PLCB1: variants seen among roughly 807,000 people sequenced by gnomAD.
The protein encoded by PLCB1 is phospholipase C beta 1.
Under a neutral mutation model 161.8 loss-of-function variants are expected in PLCB1, and 46 were observed. The ratio of observed to expected loss-of-function variants is 0.28; its 90% confidence interval spans 0.22 to 0.36. PLCB1 has a LOEUF of 0.36. Ranked by LOEUF, PLCB1 falls within the 10% of genes least tolerant of loss-of-function variation. The probability of loss-of-function intolerance (pLI) is 1.00; values close to 1 mark genes in which losing one functional copy is unlikely to be tolerated. For missense variants in PLCB1, 1,016 were observed against 1,472.5 expected (o/e 0.69, Z 5.07); for synonymous variants, 517 against 503.7 (o/e 1.03, Z -0.35).
intron 2 of PLCB1, among the ~76,000 whole-genome samples, chr20:8,315,335 G>T (rs141797820): frequency 6.6e-6 from 1 of 152,204 alleles, no homozygotes; most frequent in African/African-American, 2.4e-5. Context: ...GGGAAGAGAA[G>T]TGGGGACACT....
At chr20:8,391,053 T>G (rs1016886123) in intron 3 of PLCB1, among the ~76,000 whole-genome samples, 1 of 151,984 alleles carries the variant, frequency 6.6e-6, no homozygotes, top group Non-Finnish European at 1.5e-5. Context: ...ATAACTTACA[T>G]GTATGTGATG....
intron 9 of PLCB1, among the ~76,000 whole-genome samples, chr20:8,663,329 A>C (rs1422853516): frequency 6.6e-6 from 1 of 152,094 alleles, no homozygotes; most frequent in African/African-American, 2.4e-5. Context: ...TACAAACCTG[A>C]CATATGCTGT....
chr20:8,632,024 GGTTTTTTTTGCTTTTTTTTTTTTT>G (rs1486755668), intron 4 of PLCB1, among the ~76,000 whole-genome samples: 82 of 91,808 alleles, frequency 8.9e-4, no homozygotes, highest in Non-Finnish European at 1.4e-3. Flanking sequence ...GACAAATATG[GGTTTTTTTTGCTTTTTTTTTTTTT>G]TTTTTTTTTT....
At chr20:8,227,988 C>G (rs1461035016) in intron 2 of PLCB1, among the ~76,000 whole-genome samples, 1 of 151,914 alleles carries the variant, frequency 6.6e-6, no homozygotes, top group African/African-American at 2.4e-5. Flanking sequence ...TTGGTTCTAT[C>G]CCTCATAAAA....
chr20:8,630,032 C>T (rs1431079324), intron 4 of PLCB1, among the ~76,000 whole-genome samples: 2 of 113,426 alleles, frequency 1.8e-5, no homozygotes, highest in Admixed American at 1.1e-4. Context: ...TCCTTTCTTT[C>T]CTCTCTTCTT....
chr20:8,870,063 A>G (rs1987560054), intron 31 of PLCB1, among the ~76,000 whole-genome samples: 1 of 152,234 alleles, frequency 6.6e-6, no homozygotes, highest in Admixed American at 6.5e-5. Context: ...GCATGACCAC[A>G]TCATCTTCAA....
At chr20:8,214,080 A>G (rs1240261798) in intron 2 of PLCB1, among the ~76,000 whole-genome samples, 2 of 152,142 alleles carry the variant, frequency 1.3e-5, no homozygotes, top group Non-Finnish European at 2.9e-5. Flanking sequence ...AAAGCGAAAC[A>G]AAGGAGGTTG....
chr20:8,285,623 C>G (rs1382178569), intron 2 of PLCB1, among the ~76,000 whole-genome samples: 1 of 152,058 alleles, frequency 6.6e-6, no homozygotes, highest in Non-Finnish European at 1.5e-5. Flanking sequence ...GTATCAGGTA[C>G]ATAGTGTGAC....
At position 8,739,366 on chromosome 20, in the gene PLCB1, G is replaced by C; in HGVS notation, c.2308+6G>C. On this transcript the variant is annotated splice_donor_region_variant and intron_variant, in intron 21 of 31. Transcript: ENST00000338037. Reference sequence around the variant, plus strand: ...AGTGCAAGCCATTCGGCCAGGTATGGGTAGTGTGCTGAGAAACCTTTTATC... The same window carrying C: ...AGTGCAAGCCATTCGGCCAGGTATGCGTAGTGTGCTGAGAAACCTTTTATC... The C allele has an allele frequency of 6.3e-7, 1 of 1,577,204 alleles. No homozygotes were observed. Among genetic ancestry groups the C allele is most frequent in the Non-Finnish European group, 8.7e-7 (1 of 1,146,326 alleles).
intron 2 of PLCB1, among the ~76,000 whole-genome samples, chr20:8,370,272 C>T (rs1003142368): frequency 6.6e-6 from 1 of 152,116 alleles, no homozygotes; most frequent in African/African-American, 2.4e-5. Context: ...GGCTCAGTCT[C>T]CTTAGCCAGA....
At chr20:8,388,224 G>T (rs1249172235) in intron 3 of PLCB1, among the ~76,000 whole-genome samples, 1 of 151,688 alleles carries the variant, frequency 6.6e-6, no homozygotes, top group Admixed American at 6.6e-5. Context: ...TATCATGACC[G>T]TTTCCTGCTA....
At chr20:8,637,593 T>C (rs1411564617) in intron 4 of PLCB1, among the ~76,000 whole-genome samples, 1 of 152,152 alleles carries the variant, frequency 6.6e-6, no homozygotes, top group Non-Finnish European at 1.5e-5. Context: ...AAATGTATTA[T>C]CCAAATATAA....
intron 31 of PLCB1, among the ~76,000 whole-genome samples, chr20:8,814,916 A>G (rs1019964398): frequency 2.6e-5 from 4 of 152,048 alleles, no homozygotes; most frequent in Admixed American, 6.6e-5. Context: ...CAGGCCAGAA[A>G]TCTAGTCTCC....
At chr20:8,657,597 G>A (rs1456895420) in intron 8 of PLCB1, among the ~76,000 whole-genome samples, 1 of 152,080 alleles carries the variant, frequency 6.6e-6, no homozygotes, top group African/African-American at 2.4e-5. Context: ...ATAGACTCAT[G>A]TCGCAGGAAG....
intron 3 of PLCB1, among the ~76,000 whole-genome samples, chr20:8,605,849 A>G (rs999222397): frequency 2.0e-5 from 3 of 148,138 alleles, no homozygotes; most frequent in South Asian, 2.1e-4. Flanking sequence ...CTTTCTGTCC[A>G]TGTGTACCCA....
At chr20:8,302,713 T>A (rs751345923) in intron 2 of PLCB1, among the ~76,000 whole-genome samples, 1 of 152,210 alleles carries the variant, frequency 6.6e-6, no homozygotes, top group African/African-American at 2.4e-5. Context: ...TTCAGTTTTT[T>A]AATTTTTTTA....
intron 3 of PLCB1, among the ~76,000 whole-genome samples, chr20:8,462,139 G>T (rs1265044565): frequency 6.6e-6 from 1 of 151,866 alleles, no homozygotes; most frequent in Non-Finnish European, 1.5e-5. Flanking sequence ...TTAATCAAAA[G>T]CATTGCCTAC....
intron 19 of PLCB1, among the ~76,000 whole-genome samples, chr20:8,733,786 TAA>T (rs1363886218): frequency 6.5e-4 from 12 of 18,514 alleles, no homozygotes; most frequent in African/African-American, 1.6e-3. Flanking sequence ...ACTTAAAGTA[TAA>T]TAATAATAAT....
intron 3 of PLCB1, among the ~76,000 whole-genome samples, chr20:8,446,195 A>C (rs1012912533): frequency 6.6e-6 from 1 of 152,204 alleles, no homozygotes; most frequent in Admixed American, 6.5e-5. Flanking sequence ...CAGCACATCA[A>C]AAAGCTTATA....
Sources: gnomAD v4.1 joint callset for allele counts (sites outside exome capture counted in the v4.1 genomes callset) on GRCh38, gnomAD v4.1.1 for gene constraint, MANE v1.5 for transcripts, NCBI Gene and HGNC (gene_info 2026-07-23, HGNC 2026-07-21) for gene names.